The following MAGED1 variants were observed in gnomAD, a reference collection of about 807,000 sequenced individuals.
The protein encoded by MAGED1 is melanoma-associated antigen D1.
Under a neutral mutation model 54.1 loss-of-function variants are expected in MAGED1, and 3 were observed. The ratio of observed to expected loss-of-function variants is 0.06; its 90% confidence interval spans 0.03 to 0.14. MAGED1 has a LOEUF of 0.14. Ranked by LOEUF, MAGED1 falls within the 10% of genes least tolerant of loss-of-function variation. The pLI is 1.00. For missense variants in MAGED1, 485 were observed against 623.4 expected, an observed-to-expected ratio of 0.78 and a Z score of 2.36; for synonymous variants, 217 against 227.3, an observed-to-expected ratio of 0.95 and a Z score of 0.41.
At chrX:51,898,223 G>A (rs1557364555) in intron 8 of MAGED1, 30 bp downstream of exon 8, 3 of 1,204,013 alleles carry the variant, frequency 2.5e-6, no homozygotes, top group African/African-American at 3.5e-5. Context: ...GCTGGGGGTT[G>A]GCCACAGCCT....
Position 51,895,697 on chromosome X carries a change from A to C in MAGED1, c.690A>C (p.Ala230=). ...EPDGATAQTS[A]DGSQAQNLES... is the part of the protein sequence containing the mutation. ...ACGGTGCAACTGCACAGACATCAGC[A>C]GATGGTTCCCAGGCTCAGAATCTGG... Residue 230 remains alanine (A), a synonymous_variant, in exon 3 of 13, where the codon GCA becomes GCC. Transcript: ENST00000326587. 8.3e-7 allele frequency: 1 copy of C among 1,201,801 alleles called. No homozygotes were observed. Among genetic ancestry groups the C allele is most frequent in the Non-Finnish European group, 1.1e-6 (1 of 890,129 alleles).
At chrX:51,816,961 A>G (rs1163371147) in intron 1 of MAGED1, among the ~76,000 whole-genome samples, 1 of 111,779 alleles carries the variant, frequency 8.9e-6, no homozygotes, top group East Asian at 2.8e-4. Flanking sequence ...TATTTAATCA[A>G]GGTGCCTCCT....
chrX:51,861,894 C>T (rs1602243935), intron 1 of MAGED1, among the ~76,000 whole-genome samples: 1 of 111,486 alleles, frequency 9.0e-6, no homozygotes, highest in Non-Finnish European at 1.9e-5. Context: ...GTTGGCCAGG[C>T]TGGTTTCGAA....
At chrX:51,900,150 A>G (rs782203975) in intron 10 of MAGED1, 32 bp from the exon 11 acceptor site, 1 of 919,055 alleles carries the variant, frequency 1.1e-6, no homozygotes, top group Non-Finnish European at 1.6e-6. Flanking sequence ...CTGCCTGGGT[A>G]GGTAGACACA....
chrX:51,851,550 T>C (rs1475670717), intron 1 of MAGED1, among the ~76,000 whole-genome samples: 6 of 110,967 alleles, frequency 5.4e-5, no homozygotes, highest in African/African-American at 2.0e-4. Context: ...AATAGAAAGA[T>C]TATAACAATA....
upstream of MAGED1, among the ~76,000 whole-genome samples, chrX:51,892,967 G>GCCCTTCC (rs1928502360): frequency 1.8e-5 from 2 of 110,857 alleles, no homozygotes; most frequent in African/African-American, 6.6e-5. Flanking sequence ...TACAAGCTGT[G>GCCCTTCC]CCCTTCCCTC....
intron 1 of MAGED1, among the ~76,000 whole-genome samples, chrX:51,808,435 A>T (rs1389283572): frequency 2.7e-5 from 3 of 112,225 alleles, no homozygotes; most frequent in African/African-American, 9.7e-5. Context: ...TAGGCTGTGC[A>T]TGGTGACTCA....
intron 1 of MAGED1, among the ~76,000 whole-genome samples, chrX:51,845,370 G>A (rs1926647960): frequency 8.9e-6 from 1 of 112,416 alleles, no homozygotes; most frequent in Admixed American, 9.4e-5. Flanking sequence ...GTAGACCCTT[G>A]AGCCACAGAG....
At chrX:51,893,520 T>C (rs781979972), upstream of MAGED1, 5 of 113,939 alleles carry the variant, frequency 4.4e-5, no homozygotes, top group Admixed American at 9.2e-5. Flanking sequence ...GAAGCTTTTG[T>C]TGGGAAAGCA....
At chrX:51,853,408 C>G (rs1228288295) in intron 1 of MAGED1, among the ~76,000 whole-genome samples, 2 of 112,336 alleles carry the variant, frequency 1.8e-5, no homozygotes, top group African/African-American at 6.5e-5. Flanking sequence ...GTTATGTGAT[C>G]CAAATCTGAG....
chrX:51,840,233 T>C (rs1214602792), intron 1 of MAGED1, among the ~76,000 whole-genome samples: 1 of 111,340 alleles, frequency 9.0e-6, no homozygotes, highest in Admixed American at 9.6e-5. Context: ...GTTATTTATA[T>C]TAACATGTAA....
chrX:51,883,298 C>T (rs1231442689), intron 1 of MAGED1, among the ~76,000 whole-genome samples: 2 of 111,212 alleles, frequency 1.8e-5, no homozygotes, highest in African/African-American at 3.3e-5. Context: ...TTTATCACCA[C>T]CCAACAGTAA....
chrX:51,891,663 G>T (rs1404292512), upstream of MAGED1, among the ~76,000 whole-genome samples: 1 of 112,208 alleles, frequency 8.9e-6, no homozygotes, highest in African/African-American at 3.2e-5. Flanking sequence ...CTCTAAATGG[G>T]GGAGAAAGGC....
chrX:51,812,603 T>A (rs1305376024), intron 1 of MAGED1, among the ~76,000 whole-genome samples: 2 of 112,260 alleles, frequency 1.8e-5, no homozygotes, highest in Non-Finnish European at 3.8e-5. Context: ...TTCCTTTTCA[T>A]GGCTGAAAGA....
intron 1 of MAGED1, among the ~76,000 whole-genome samples, chrX:51,842,593 T>C (rs1926537126): frequency 2.7e-5 from 3 of 111,868 alleles, no homozygotes; most frequent in Non-Finnish European, 5.6e-5. Flanking sequence ...GTAGACACTT[T>C]AAAGACATCA....
In MAGED1 at chrX:51,853,370, A is replaced by T. The variant is rs546223057; in HGVS notation, c.-36-40899A>T. ...ATCCTGCTGATTTGCTTCTTTATCTAATTCAAGGCTCAAGGTTCCCAGGGC... is the reference window on the plus strand; with the variant it reads ...ATCCTGCTGATTTGCTTCTTTATCTTATTCAAGGCTCAAGGTTCCCAGGGC... On this transcript the variant is annotated intron_variant, in intron 1 of 12. Coordinates refer to the MAGED1 transcript ENST00000375772. 8.0e-4 allele frequency among the ~76,000 whole-genome samples: 90 copies of T among 112,252 alleles called. 2 individuals carry two copies. The South Asian group carries it at 0.033, about 41-fold the overall frequency.
Position 51,898,395 on chromosome X carries a change from A to T in MAGED1, c.1781+68A>T, listed in dbSNP as rs1602275379. 2.6e-6 allele frequency: 3 copies of T among 1,148,294 alleles called. No individual in the cohort carries two copies. The East Asian group carries it at 8.9e-5, about 34-fold the overall frequency. The allele number at this position is 1,148,294 out of a possible 1,213,427, so 94.6% of individuals were successfully genotyped here. On this transcript the variant is annotated intron_variant, in intron 9 of 12. Transcript: ENST00000326587. ...TTTGGCAACAGTGGATGGTCCCAGG[A>T]TTGCATTAACCTGGGGGTCTGGAGG... is the stretch of plus-strand genomic sequence containing the variant.
chrX:51,811,491 A>C (rs1182388789), intron 1 of MAGED1, among the ~76,000 whole-genome samples: 4 of 111,764 alleles, frequency 3.6e-5, no homozygotes, highest in African/African-American at 9.8e-5. Flanking sequence ...TGGGACCGTG[A>C]GTGTGGGAGA....
chrX:51,817,756 G>C (rs1292975548), intron 1 of MAGED1, among the ~76,000 whole-genome samples: 4 of 111,903 alleles, frequency 3.6e-5, no homozygotes, highest in Non-Finnish European at 7.5e-5. Flanking sequence ...AAAATGGTAT[G>C]GCTGTTGTGC....
Sources: gnomAD v4.1 joint callset for allele counts (sites outside exome capture counted in the v4.1 genomes callset) on GRCh38, gnomAD v4.1.1 for gene constraint, MANE v1.5 for transcripts, NCBI Gene and HGNC (gene_info 2026-07-23, HGNC 2026-07-21) for gene names.